The following CCDC148 variants were observed in gnomAD, a reference collection of about 807,000 sequenced individuals.
CCDC148 encodes coiled-coil domain containing 148.
Under a neutral mutation model 85.7 loss-of-function variants are expected in CCDC148, and 89 were observed. The ratio of observed to expected loss-of-function variants is 1.04; its 90% confidence interval spans 0.87 to 1.24. The LOEUF is 1.24. CCDC148 is among the 50% of genes most tolerant of loss of function. CCDC148 has a pLI of 0.00. For synonymous variants in CCDC148, 230 were observed against 213.9 expected, an observed-to-expected ratio of 1.08 and a Z score of -0.66; for missense variants, 692 against 671.7, an observed-to-expected ratio of 1.03 and a Z score of -0.33.
intron 2 of CCDC148, 75 bp downstream of exon 2, chr2:158,358,374 C>T: frequency 6.6e-7 from 1 of 1,509,054 alleles, no homozygotes; most frequent in East Asian, 2.4e-5. Flanking sequence ...TTTATTTTCA[C>T]ATTGACAATG....
In CCDC148 at chr2:158,340,260, G is replaced by C. The variant is rs137873189; in HGVS notation, c.468C>G (p.Ser156=). The change falls in exon 5 of 14, where the codon TCC becomes TCG. Residue 156 remains serine (S), a synonymous_variant. Coordinates refer to ENST00000283233, the MANE Select transcript of CCDC148 (RefSeq NM_138803.4). ...TACTAACCTCTTCCAATACTTTCAT[G>C]GAGTTAAACTCAATATGTGGGTGTG... ...QHSHPHIEFN[S]MKVLEEVDFV... is the part of the protein sequence containing the mutation. 2,399 of 1,613,708 alleles carry C rather than the reference G, an allele frequency of 1.5e-3. 4 individuals are homozygous for C. Among genetic ancestry groups the C allele is most frequent in the Non-Finnish European group, 1.7e-3 (1,956 of 1,179,852 alleles).
chr2:158,188,150 A>G (rs1398882840), intron 11 of CCDC148, among the ~76,000 whole-genome samples: 2 of 152,004 alleles, frequency 1.3e-5, no homozygotes, highest in African/African-American at 4.8e-5. Context: ...ACTCCAATCC[A>G]AAAGCAGACA....
intron 2 of CCDC148, among the ~76,000 whole-genome samples, chr2:158,349,110 C>T (rs1389592658): frequency 6.6e-6 from 1 of 151,942 alleles, no homozygotes; most frequent in Non-Finnish European, 1.5e-5. Context: ...ATATAGATGA[C>T]CATCACATCT....
At chr2:158,355,522 G>C (rs1683582189) in intron 2 of CCDC148, among the ~76,000 whole-genome samples, 1 of 146,918 alleles carries the variant, frequency 6.8e-6, no homozygotes, top group Non-Finnish European at 1.5e-5. Context: ...CAACTTACAA[G>C]GGATGTGAAG....
chr2:158,346,423 C>T lies in CCDC148; in HGVS notation c.148-1105G>A, dbSNP rs879618127. On this transcript the variant is annotated intron_variant, in intron 2 of 13. Coordinates refer to ENST00000283233, the MANE Select transcript of CCDC148 (RefSeq NM_138803.4). ...CCTCACCCCAGGAATTTGGCATGGC[C>T]TTGCTTCTTCTGTATGTCCCTCTGA... Among the ~76,000 whole-genome samples, 5 of 152,300 alleles carry T rather than the reference C, an allele frequency of 3.3e-5. No homozygotes were observed. The East Asian group carries it at 9.7e-4, about 29-fold the overall frequency.
intron 1 of CCDC148, among the ~76,000 whole-genome samples, chr2:158,429,226 G>A (rs1687218654): frequency 1.3e-5 from 2 of 152,184 alleles, no homozygotes; most frequent in South Asian, 4.2e-4. Flanking sequence ...CATGGCACAT[G>A]TATACTTACG....
chr2:158,340,340 T>C lies in CCDC148; in HGVS notation c.388A>G (p.Ile130Val). The C allele has an allele frequency of 1.2e-6, 2 of 1,613,988 alleles. No homozygotes were observed. The highest frequency in any genetic ancestry group is 1.7e-6 in the Non-Finnish European group (2 of 1,179,940). ...CTYLKNVINP[I>V]QQLRADLKYR... ...TTTAGATCTGCTCTCAGCTGCTGAA[T>C]AGGATTTATTACATTTTTAAGATAT... The change falls in exon 5 of 14, where the codon ATT becomes GTT. Residue 130 changes from isoleucine to valine, a missense_variant. Coordinates refer to ENST00000283233, the MANE Select transcript of CCDC148 (RefSeq NM_138803.4).
chr2:158,253,866 C>T (rs752034492), intron 9 of CCDC148, among the ~76,000 whole-genome samples: 2 of 151,540 alleles, frequency 1.3e-5, no homozygotes, highest in Non-Finnish European at 3.0e-5. Context: ...CACAGAGGAA[C>T]AAGCAGACAT....
intron 11 of CCDC148, among the ~76,000 whole-genome samples, chr2:158,219,376 TTGTC>T (rs1687053512): frequency 6.6e-6 from 1 of 152,208 alleles, no homozygotes; most frequent in South Asian, 2.1e-4. Context: ...CCACCCTTCA[TTGTC>T]TGCTCTCTGA....
At chr2:158,309,369 CA>C in intron 9 of CCDC148, 63 bp downstream of exon 9, 1 of 1,394,844 alleles carries the variant, frequency 7.2e-7, no homozygotes, top group Non-Finnish European at 9.9e-7. Flanking sequence ...TGAGTTTGAA[CA>C]AAAGGGAAAA....
chr2:158,401,341 A>T (rs1277762098), intron 1 of CCDC148, among the ~76,000 whole-genome samples: 1 of 152,200 alleles, frequency 6.6e-6, no homozygotes. Context: ...AAAATGTGGC[A>T]CATATACACC....
rs549989208 is a variant in CCDC148, at chr2:158,338,863, T to C, written c.627A>G (p.Glu209=). ...CCAAACTTTCTAATTCAATGGGCAG[T>C]TCACTAAGCGGGTTAGTCTTTTCTT... ...SLEEKTNPLS[E]LPIELESLEC... The change falls in exon 7 of 14, where the codon GAA becomes GAG. Residue 209 remains glutamate, a synonymous_variant. Coordinates refer to ENST00000283233, the MANE Select transcript of CCDC148 (RefSeq NM_138803.4). 1.2e-6 allele frequency: 2 copies of C among 1,611,350 alleles called. No homozygotes were observed. The highest frequency in any genetic ancestry group is 2.7e-5 in the African/African-American group (2 of 74,776).
At position 158,268,006 on chromosome 2, in the gene CCDC148, G is replaced by A. The variant is rs148868732; in HGVS notation, c.1111-17094C>T. ...TTTATACATTCATTAGTTGTAGGAC[G>A]TTTGGGTTGTTTCCAGTTTTTGATG... On this transcript the variant is annotated intron_variant, in intron 9 of 13. Transcript: ENST00000283233. Among the ~76,000 whole-genome samples the A allele has an allele frequency of 1.2e-4, 18 of 152,272 alleles. No homozygotes were observed. In the East Asian group the frequency reaches 2.9e-3, roughly 25 times the overall value.
At chr2:158,181,103 T>G (rs1179273127) in intron 11 of CCDC148, among the ~76,000 whole-genome samples, 1 of 152,126 alleles carries the variant, frequency 6.6e-6, no homozygotes, top group Non-Finnish European at 1.5e-5. Context: ...AAGGTTCAAT[T>G]AAAAAATACC....
At chr2:158,229,986 C>T (rs931671631) in intron 10 of CCDC148, among the ~76,000 whole-genome samples, 2 of 152,144 alleles carry the variant, frequency 1.3e-5, no homozygotes, top group African/African-American at 2.4e-5. Flanking sequence ...TACTCCACTC[C>T]GAAGTCACTG....
At chr2:158,276,554 T>TCAAAA (rs58603462) in intron 9 of CCDC148, among the ~76,000 whole-genome samples, 10,688 of 149,916 alleles carry the variant, frequency 0.071, 415 homozygotes, top group African/African-American at 0.082. Flanking sequence ...AGACTCAGTC[T>TCAAAA]CAAAACAAAA....
At chr2:158,406,633 T>TG in intron 1 of CCDC148, among the ~76,000 whole-genome samples, 3 of 140,834 alleles carry the variant, frequency 2.1e-5, no homozygotes, top group Non-Finnish European at 3.1e-5. Flanking sequence ...TTTTTTTTTT[T>TG]TTTTTTTGAG....
intron 9 of CCDC148, among the ~76,000 whole-genome samples, chr2:158,273,040 T>C (rs1689769454): frequency 1.3e-5 from 2 of 152,276 alleles, no homozygotes; most frequent in South Asian, 2.1e-4. Context: ...TAATATGAGA[T>C]GATGACTTTG....
intron 1 of CCDC148, among the ~76,000 whole-genome samples, chr2:158,421,907 A>T (rs997030918): frequency 8.7e-5 from 12 of 138,376 alleles, no homozygotes; most frequent in African/African-American, 2.7e-4. Context: ...TAAAGGGGTT[A>T]TCACCACCGA....
Sources: gnomAD v4.1 joint callset for allele counts (sites outside exome capture counted in the v4.1 genomes callset) on GRCh38, gnomAD v4.1.1 for gene constraint, MANE v1.5 for transcripts, NCBI Gene and HGNC (gene_info 2026-07-23, HGNC 2026-07-21) for gene names.